The following ZNF804A variants were observed in gnomAD, a reference collection of about 807,000 sequenced individuals.
ZNF804A encodes the protein zinc finger protein 804A.
ZNF804A carries 2 observed loss-of-function variants against 16.5 expected under a neutral mutation model. That is an observed-to-expected ratio of 0.12 (90% CI 0.05 to 0.38). The LOEUF (loss-of-function observed/expected upper bound fraction) is 0.38, where lower values mean the gene tolerates loss of function less well. Among genes scored for constraint, ZNF804A ranks in the 10% least tolerant of loss-of-function variants. The pLI is 0.99. For missense variants in ZNF804A, 1,473 were observed against 1,390.7 expected, an observed-to-expected ratio of 1.06 and a Z score of -0.94; for synonymous variants, 534 against 489.6, an observed-to-expected ratio of 1.09 and a Z score of -1.20.
intron 1 of ZNF804A, among the ~76,000 whole-genome samples, chr2:184,783,367 TTTAAGATATAAC>T: frequency 6.6e-6 from 1 of 151,750 alleles, no homozygotes; most frequent in Non-Finnish European, 1.5e-5. Context: ...TAAAGTACAT[TTTAAGATATAAC>T]CATGAAAACT....
At chr2:184,796,028 C>T (rs532924271) in intron 1 of ZNF804A, among the ~76,000 whole-genome samples, 3 of 151,988 alleles carry the variant, frequency 2.0e-5, no homozygotes, top group East Asian at 3.9e-4. Context: ...TTTATTGACT[C>T]GCATATGTTA....
intron 1 of ZNF804A, among the ~76,000 whole-genome samples, chr2:184,709,843 T>C (rs1299545338): frequency 1.3e-5 from 2 of 148,262 alleles, no homozygotes; most frequent in Admixed American, 1.4e-4. Flanking sequence ...AATATATTTT[T>C]ATAGTATATA....
At chr2:184,700,438 C>G (rs1041405551) in intron 1 of ZNF804A, among the ~76,000 whole-genome samples, 1 of 151,784 alleles carries the variant, frequency 6.6e-6, no homozygotes, top group Non-Finnish European at 1.5e-5. Context: ...ATAGTCATAA[C>G]CAAATACTAA....
At chr2:184,931,007 CT>C (rs1273529198) in intron 2 of ZNF804A, among the ~76,000 whole-genome samples, 1 of 152,192 alleles carries the variant, frequency 6.6e-6, no homozygotes, top group Non-Finnish European at 1.5e-5. Flanking sequence ...AAAGTCATGT[CT>C]TATGTGGTAG....
chr2:184,776,111 A>G (rs939557401), intron 1 of ZNF804A, among the ~76,000 whole-genome samples: 2 of 151,674 alleles, frequency 1.3e-5, no homozygotes, highest in South Asian at 4.1e-4. Flanking sequence ...GGTAATGTTT[A>G]TACCCTAACA....
At chr2:184,746,741 T>G (rs1433312855) in intron 1 of ZNF804A, among the ~76,000 whole-genome samples, 1 of 151,448 alleles carries the variant, frequency 6.6e-6, no homozygotes. Flanking sequence ...TTCTACTCTT[T>G]ATCTCCATGA....
At chr2:184,775,415 T>C (rs1382803101) in intron 1 of ZNF804A, among the ~76,000 whole-genome samples, 2 of 151,674 alleles carry the variant, frequency 1.3e-5, no homozygotes, top group Non-Finnish European at 3.0e-5. Flanking sequence ...AGTTTTAACT[T>C]AAAGAATGAG....
intron 1 of ZNF804A, among the ~76,000 whole-genome samples, chr2:184,861,787 G>A (rs949385460): frequency 2.0e-5 from 3 of 152,262 alleles, no homozygotes; most frequent in East Asian, 1.9e-4. Context: ...AGTATTGGGG[G>A]ATAGATTGTC....
chr2:184,850,154 T>C (rs765640920), intron 1 of ZNF804A, among the ~76,000 whole-genome samples: 3 of 151,788 alleles, frequency 2.0e-5, no homozygotes, highest in Non-Finnish European at 4.4e-5. Flanking sequence ...TAACATTTGA[T>C]AGCACAACAG....
intron 1 of ZNF804A, among the ~76,000 whole-genome samples, chr2:184,702,908 T>G (rs1692945200): frequency 6.6e-6 from 1 of 152,192 alleles, no homozygotes; most frequent in South Asian, 2.1e-4. Context: ...CCTTCTCATT[T>G]TGTCAGCCAA....
At chr2:184,842,782 A>C (rs145645583) in intron 1 of ZNF804A, among the ~76,000 whole-genome samples, 15 of 152,296 alleles carry the variant, frequency 9.8e-5, no homozygotes, top group East Asian at 9.7e-4. Context: ...GATAGAAAAA[A>C]TAAATAAATA....
chr2:184,913,918 T>C (rs1294054405), intron 2 of ZNF804A, among the ~76,000 whole-genome samples: 1 of 152,188 alleles, frequency 6.6e-6, no homozygotes, highest in African/African-American at 2.4e-5. Context: ...GCTTGTTTCT[T>C]GGATTATGGA....
chr2:184,913,701 A>C (rs1344706), intron 2 of ZNF804A, among the ~76,000 whole-genome samples: 46,202 of 152,032 alleles, frequency 0.3, 8,547 homozygotes, highest in East Asian at 0.5. Flanking sequence ...TGATTCTGAT[A>C]GTTTTTGATT....
At chr2:184,619,367 C>G (rs1444070536) in intron 1 of ZNF804A, among the ~76,000 whole-genome samples, 1 of 151,526 alleles carries the variant, frequency 6.6e-6, no homozygotes, top group Admixed American at 6.6e-5. Context: ...TAGACTGCTT[C>G]AAGTTATATG....
chr2:184,679,186 G>A (rs10184629), intron 1 of ZNF804A, among the ~76,000 whole-genome samples: 47,102 of 152,138 alleles, frequency 0.31, 9,571 homozygotes, highest in African/African-American at 0.58. Flanking sequence ...GGTGAAATGT[G>A]TTTACTTAGA....
chr2:184,796,952 G>A (rs938519750), intron 1 of ZNF804A, among the ~76,000 whole-genome samples: 2 of 151,800 alleles, frequency 1.3e-5, no homozygotes, highest in South Asian at 2.1e-4. Flanking sequence ...TTTTTTTGAG[G>A]GGTTGATTTC....
chr2:184,849,041 T>C (rs540143657), intron 1 of ZNF804A, among the ~76,000 whole-genome samples: 4 of 152,092 alleles, frequency 2.6e-5, no homozygotes, highest in African/African-American at 9.6e-5. Flanking sequence ...ACTGCTATAT[T>C]GTTTGCCACT....
chr2:184,730,961 G>A (rs1042848918), intron 1 of ZNF804A, among the ~76,000 whole-genome samples: 1 of 151,592 alleles, frequency 6.6e-6, no homozygotes, highest in African/African-American at 2.4e-5. Context: ...TGCTAAACTG[G>A]GCCAGGCATG....
chr2:184,699,175 A>G (rs1692882464), intron 1 of ZNF804A, among the ~76,000 whole-genome samples: 1 of 152,164 alleles, frequency 6.6e-6, no homozygotes, highest in African/African-American at 2.4e-5. Flanking sequence ...ATAATTGGCA[A>G]TGATGGCATA....
Sources: allele counts gnomAD v4.1 joint callset (sites outside exome capture counted in the v4.1 genomes callset), GRCh38; gene constraint gnomAD v4.1.1; transcripts MANE v1.5; gene names NCBI Gene and HGNC (gene_info 2026-07-23, HGNC 2026-07-21).